FAT3: variants seen among roughly 807,000 people sequenced by gnomAD.
FAT3 encodes the protein protocadherin Fat 3.
A neutral mutation model predicts 310.2 loss-of-function variants in FAT3; 95 were observed. That is an observed-to-expected ratio of 0.31 (90% confidence interval 0.26 to 0.36). The LOEUF is 0.36. Ranked by LOEUF, FAT3 falls within the 10% of genes least tolerant of loss-of-function variation. FAT3 has a pLI of 1.00. For synonymous variants in FAT3, 2,314 were observed against 2,192.9 expected (o/e 1.06, Z -1.54); for missense variants, 5,408 against 5,715.6 (o/e 0.95, Z 1.74).
At chr11:92,854,598 C>A (rs547025492) in intron 19 of FAT3, among the ~76,000 whole-genome samples, 1 of 152,208 alleles carries the variant, frequency 6.6e-6, no homozygotes, top group South Asian at 2.1e-4. Flanking sequence ...AGTACCCAAA[C>A]GCTAGATTTG....
intron 10 of FAT3, among the ~76,000 whole-genome samples, chr11:92,804,321 TCG>T (rs1947443743): frequency 6.6e-6 from 1 of 152,076 alleles, no homozygotes; most frequent in Non-Finnish European, 1.5e-5. Context: ...TCAGTCTTTC[TCG>T]GTGTCTGAAA....
intron 2 of FAT3, among the ~76,000 whole-genome samples, chr11:92,411,103 TATATAAAA>T (rs1950251885): frequency 2.7e-5 from 1 of 37,410 alleles, no homozygotes; most frequent in African/African-American, 6.7e-5. Context: ...ATATATATTA[TATATAAAA>T]ATATATATAT....
At chr11:92,240,445 G>A (rs1038916802) in intron 1 of FAT3, among the ~76,000 whole-genome samples, 2 of 151,790 alleles carry the variant, frequency 1.3e-5, no homozygotes, top group Admixed American at 6.6e-5. Flanking sequence ...GGCTGTATGT[G>A]TAATTTAATC....
At position 92,880,361 on chromosome 11, in the gene FAT3, TC is replaced by T. The variant is rs543671103; in HGVS notation, c.12128-369del. ...ACTCAGGAAAAGAGGTAGCATGGTA[TC>T]AATAGTAAACCACTCCTGTCTGGAG... On this transcript the variant is annotated intron_variant, in intron 22 of 27. Transcript: ENST00000525166. Among the ~76,000 whole-genome samples, 562 of 150,078 alleles carry T rather than the reference TC, an allele frequency of 3.7e-3. 1 individual carries two copies. The highest frequency in any genetic ancestry group is 8.3e-3 in the Admixed American group (124 of 14,948).
At chr11:92,827,741 A>G (rs577741669) in intron 13 of FAT3, among the ~76,000 whole-genome samples, 1 of 152,276 alleles carries the variant, frequency 6.6e-6, no homozygotes, top group East Asian at 1.9e-4. Context: ...CCTACTAGGA[A>G]TTTGTATGTG....
Position 92,803,346 on chromosome 11 carries a change from C to T in FAT3, c.8896+1437C>T, listed in dbSNP as rs568408417. Among the ~76,000 whole-genome samples the T allele has an allele frequency of 1.8e-4, 28 of 152,304 alleles. No homozygotes were observed. The South Asian group carries it at 5.8e-3, about 32-fold the overall frequency. ...ACCAACTGATTTTAATTAGATTTAA[C>T]TTTTGCTCTTGATGTAACACAACTT... On this transcript the variant is annotated intron_variant, in intron 10 of 27. Transcript: ENST00000525166.
chr11:92,733,968 G>T (rs956755680), intron 4 of FAT3, among the ~76,000 whole-genome samples: 1 of 152,074 alleles, frequency 6.6e-6, no homozygotes, highest in African/African-American at 2.4e-5. Flanking sequence ...ACTTTCCTTT[G>T]CTGCAAAGCA....
At chr11:92,523,990 AG>A (rs1369438840) in intron 2 of FAT3, among the ~76,000 whole-genome samples, 1 of 152,102 alleles carries the variant, frequency 6.6e-6, no homozygotes, top group Admixed American at 6.5e-5. Context: ...AGAGTTCTTA[AG>A]GGGGATGGAA....
At chr11:92,523,706 A>G (rs1410293204) in intron 2 of FAT3, among the ~76,000 whole-genome samples, 2 of 152,172 alleles carry the variant, frequency 1.3e-5, no homozygotes, top group East Asian at 3.9e-4. Context: ...CTACTTTTAC[A>G]GTTTTTATAC....
intron 2 of FAT3, among the ~76,000 whole-genome samples, chr11:92,522,174 C>G (rs926839999): frequency 6.6e-6 from 1 of 152,140 alleles, no homozygotes; most frequent in Admixed American, 6.5e-5. Context: ...CCTTTCTACT[C>G]TTAGTTTCCA....
chr11:92,601,081 T>C (rs1005199550), intron 3 of FAT3, among the ~76,000 whole-genome samples: 41 of 151,994 alleles, frequency 2.7e-4, no homozygotes, highest in African/African-American at 9.9e-4. Flanking sequence ...GGAGTTTAGA[T>C]TTTATTATAA....
At chr11:92,770,046 G>C (rs1167139334) in intron 6 of FAT3, among the ~76,000 whole-genome samples, 1 of 152,172 alleles carries the variant, frequency 6.6e-6, no homozygotes, top group African/African-American at 2.4e-5. Flanking sequence ...CAGTGATATG[G>C]AGAGAAACCA....
intron 3 of FAT3, among the ~76,000 whole-genome samples, chr11:92,540,865 AG>A (rs1954426743): frequency 6.6e-6 from 1 of 152,078 alleles, no homozygotes; most frequent in Non-Finnish European, 1.5e-5. Context: ...TACCAGCTAA[AG>A]GAAAGTGGGT....
At chr11:92,494,754 C>G (rs1409213714) in intron 2 of FAT3, among the ~76,000 whole-genome samples, 4 of 152,048 alleles carry the variant, frequency 2.6e-5, no homozygotes, top group Non-Finnish European at 5.9e-5. Flanking sequence ...AATGCTGCTT[C>G]CAGTGTTGTC....
intron 23 of FAT3, 149 bp from the exon 24 acceptor site, chr11:92,882,589 C>CT: frequency 3.7e-6 from 2 of 536,356 alleles, no homozygotes; most frequent in South Asian, 3.0e-5. Context: ...TCCCCCTCCC[C>CT]CCCCCCACCA....
intron 1 of FAT3, among the ~76,000 whole-genome samples, chr11:92,298,648 T>A (rs1946911785): frequency 6.6e-6 from 1 of 152,152 alleles, no homozygotes; most frequent in African/African-American, 2.4e-5. Context: ...TTCATTGTCT[T>A]CTTCATGATA....
chr11:92,290,408 C>T (rs563145353), intron 1 of FAT3, among the ~76,000 whole-genome samples: 1 of 152,226 alleles, frequency 6.6e-6, no homozygotes, highest in East Asian at 1.9e-4. Context: ...TGAATGCTTT[C>T]CAGCACAATC....
At chr11:92,479,584 C>T (rs1952159713) in intron 2 of FAT3, among the ~76,000 whole-genome samples, 1 of 152,168 alleles carries the variant, frequency 6.6e-6, no homozygotes, top group South Asian at 2.1e-4. Context: ...CATTCTGCCT[C>T]TGTAGATAAG....
At chr11:92,793,972 G>A (rs73560333) in intron 9 of FAT3, among the ~76,000 whole-genome samples, 2,231 of 152,012 alleles carry the variant, frequency 0.015, 68 homozygotes, top group African/African-American at 0.051. Context: ...TGATAACTTA[G>A]AACTATTTCT....
Sources: gnomAD v4.1 joint callset for allele counts (sites outside exome capture counted in the v4.1 genomes callset) on GRCh38, gnomAD v4.1.1 for gene constraint, MANE v1.5 for transcripts, NCBI Gene and HGNC (gene_info 2026-07-23, HGNC 2026-07-21) for gene names.